The following SEC24D variants were observed in gnomAD, a reference collection of about 807,000 sequenced individuals.
SEC24D encodes the protein protein transport protein Sec24D.
In SEC24D, 69 loss-of-function variants were observed where a neutral mutation model predicts 116.9. The observed-to-expected ratio is 0.59, with a 90% CI of 0.49 to 0.72. The LOEUF (loss-of-function observed/expected upper bound fraction) is 0.72, where lower values mean the gene tolerates loss of function less well. Among genes scored for constraint, SEC24D ranks in the 30% least tolerant of loss-of-function variants. The pLI is 0.00. For synonymous variants in SEC24D, 405 were observed against 442.8 expected (o/e 0.91, Z 1.07); for missense variants, 1,131 against 1,264.1 (o/e 0.89, Z 1.60).
In SEC24D at chr4:118,780,027, A is replaced by G. The variant is rs556749872; in HGVS notation, c.1042-11716T>C. On this transcript the variant is annotated intron_variant, in intron 8 of 22. Transcript: ENST00000280551. ...TATTAGTCTTGCTAGCGGTCTATCA[A>G]TTTTGTTGATCTTTTCAAAAAACCA... is the stretch of plus-strand genomic sequence containing the variant. Among the ~76,000 whole-genome samples, 4 of 152,002 alleles carry G rather than the reference A, an allele frequency of 2.6e-5. No individual in the cohort carries two copies. The South Asian group carries it at 8.3e-4, about 32-fold the overall frequency.
At chr4:118,768,539 T>G (rs565101185) in intron 8 of SEC24D, among the ~76,000 whole-genome samples, 167 of 152,116 alleles carry the variant, frequency 1.1e-3, no homozygotes, top group Admixed American at 2.8e-3. Flanking sequence ...TGATTATAGG[T>G]GCCTGCCACC....
chr4:118,792,172 G>A (rs1417082176), intron 8 of SEC24D, among the ~76,000 whole-genome samples: 25 of 149,866 alleles, frequency 1.7e-4, no homozygotes, highest in Admixed American at 1.5e-3. Context: ...TCTCTGCCCC[G>A]CCGCCACCCC....
intron 11 of SEC24D, 124 bp downstream of exon 11, chr4:118,757,597 T>C (rs1295488945): frequency 4.1e-6 from 3 of 738,402 alleles, no homozygotes; most frequent in African/African-American, 1.8e-5. Flanking sequence ...GTTTGATTTA[T>C]GACTAATTAC....
chr4:118,800,006 G>A (rs780282276), intron 7 of SEC24D, among the ~76,000 whole-genome samples: 13 of 152,096 alleles, frequency 8.5e-5, no homozygotes, highest in Non-Finnish European at 1.5e-4. Flanking sequence ...GAGGAAGAGG[G>A]GAAACTTACT....
intron 21 of SEC24D, 45 bp downstream of exon 21, chr4:118,731,271 T>C: frequency 6.7e-7 from 1 of 1,502,970 alleles, no homozygotes; most frequent in Non-Finnish European, 9.3e-7. Context: ...ATTTACGAAT[T>C]TATATTTTTC....
Position 118,768,233 on chromosome 4 carries a change from T to C in SEC24D, c.1120A>G (p.Met374Val), listed in dbSNP as rs1439784082. The C allele has an allele frequency of 1.2e-6, 2 of 1,613,960 alleles. No homozygotes were observed. The highest frequency in any genetic ancestry group is 4.5e-5 in the East Asian group (2 of 44,876). ...NRCKAYMCPFMQFIEGGRRYQ... is the reference protein window; with the variant it reads ...NRCKAYMCPFVQFIEGGRRYQ... Reference sequence around the variant, plus strand: ...CTCCTTCCTCCTTCGATGAACTGCATAAATGGGCACATGTAGGCCTTGCAC... The same window carrying C: ...CTCCTTCCTCCTTCGATGAACTGCACAAATGGGCACATGTAGGCCTTGCAC... The change falls in exon 9 of 23, where the codon ATG becomes GTG. Residue 374 changes from methionine to valine, a missense_variant. By Grantham distance (21) the Met-to-Val change is conservative (BLOSUM62 1). Transcript: ENST00000280551.
In SEC24D at chr4:118,731,275, A is replaced by AT. The variant is rs150837544; in HGVS notation, c.2868+40dup. The stretch of plus-strand genomic sequence containing the variant: ...TAAATAAAAACATTTACGAATTTAT[A>AT]TTTTTCATATTACCACAAAAGCAAT... On this transcript the variant is annotated intron_variant, in intron 21 of 22. Transcript: ENST00000280551. 395 of 1,515,572 alleles carry AT rather than the reference A, an allele frequency of 2.6e-4. 1 individual carries two copies. In the African/African-American group the frequency reaches 4.8e-3, roughly 18 times the overall value. The allele number at this position is 1,515,572 out of a possible 1,614,324, so 93.9% of individuals were successfully genotyped here. A position where few individuals can be genotyped will look rare whatever the true frequency, so the allele number is the denominator to read the frequency against.
intron 13 of SEC24D, among the ~76,000 whole-genome samples, chr4:118,747,749 G>A (rs62328110): frequency 1.2e-3 from 175 of 152,056 alleles, no homozygotes; most frequent in Non-Finnish European, 2.0e-3. Context: ...TAATATTGCC[G>A]TTTTATACTA....
rs1233900784 is a variant in SEC24D, at chr4:118,817,232, C to T, written c.397+32G>A. ...CATTAAAAATGACCAGGACACAAGG[C>T]AGTCAATAAACACTAATAATAAAAC... On this transcript the variant is annotated intron_variant, in intron 4 of 22. Transcript: ENST00000280551. 1.9e-6 allele frequency: 3 copies of T among 1,552,708 alleles called. No homozygotes were observed. The South Asian group carries it at 3.7e-5, about 19-fold the overall frequency.
intron 11 of SEC24D, among the ~76,000 whole-genome samples, chr4:118,753,855 G>C (rs1726955012): frequency 6.6e-6 from 1 of 152,134 alleles, no homozygotes; most frequent in South Asian, 2.1e-4. Flanking sequence ...TTGACCATTA[G>C]ATGTCAGCAT....
chr4:118,805,796 T>G, intron 7 of SEC24D, 47 bp downstream of exon 7: 7 of 1,181,668 alleles, frequency 5.9e-6, no homozygotes, highest in Non-Finnish European at 7.2e-6. Context: ...TTAAAAACGG[T>G]GAGAAATTTT....
chr4:118,830,503 G>A (rs1730799772), intron 2 of SEC24D, among the ~76,000 whole-genome samples: 1 of 152,112 alleles, frequency 6.6e-6, no homozygotes, highest in Non-Finnish European at 1.5e-5. Flanking sequence ...TTGCTAATGA[G>A]TGCTACAGTT....
intron 17 of SEC24D, 46 bp downstream of exon 17, chr4:118,740,617 G>C: frequency 6.3e-7 from 1 of 1,598,936 alleles, no homozygotes; most frequent in South Asian, 1.1e-5. Context: ...GATCATTGTC[G>C]GCAACAAACT....
In SEC24D at chr4:118,752,858, T is replaced by C. The variant is rs1346433515; in HGVS notation, c.1452A>G (p.Arg484=). 9 of 1,591,146 alleles carry C rather than the reference T, an allele frequency of 5.7e-6. No individual in the cohort carries two copies. Among genetic ancestry groups the C allele is most frequent in the Non-Finnish European group, 6.0e-6 (7 of 1,172,502 alleles). Residue 484 remains arginine (R), a synonymous_variant, in exon 12 of 23, where the codon CGA becomes CGG. Transcript: ENST00000280551. ...KEEQEETSAI[R]VGFITYNKVL... is the part of the protein sequence containing the mutation. ...CTTTGTTATATGTGATAAAACCCAC[T>C]CGAATTGCAGACGTCTCTTCTTGCT...
chr4:118,792,317 G>T (rs1185807627), intron 8 of SEC24D, among the ~76,000 whole-genome samples: 16 of 150,486 alleles, frequency 1.1e-4, no homozygotes, highest in Admixed American at 1.1e-3. Flanking sequence ...GGAGGTGGGG[G>T]GGCGCCTCTG....
intron 22 of SEC24D, among the ~76,000 whole-genome samples, chr4:118,724,626 T>C (rs1228112390): frequency 1.3e-5 from 2 of 152,176 alleles, no homozygotes; most frequent in Non-Finnish European, 2.9e-5. Context: ...TTCATTTGCA[T>C]TACTGGAGAG....
intron 4 of SEC24D, chr4:118,816,736 T>C (rs964220561): frequency 4.5e-6 from 2 of 443,950 alleles, no homozygotes; most frequent in South Asian, 1.6e-5. Context: ...GAGCTTTCCA[T>C]GACTCACAGG....
At position 118,723,647 on chromosome 4, in the gene SEC24D, A is replaced by G. The variant is rs2110420873; in HGVS notation, c.2967T>C (p.Ile989=). 1 of 1,603,494 alleles carries G rather than the reference A, an allele frequency of 6.2e-7. No homozygotes were observed. Among genetic ancestry groups the G allele is most frequent in the South Asian group, 1.1e-5 (1 of 87,790 alleles). ...TTTCTGGTTGTTCTCGCTGCTTTAC[A>G]ATTGTGAGCTAGGAAAAAAAAAACA... ...QKRPYSMKLT[I]VKQREQPEMV... Residue 989 remains isoleucine (I), a synonymous_variant, in exon 23 of 23, where the codon ATT becomes ATC. Coordinates refer to ENST00000280551, the MANE Select transcript of SEC24D (RefSeq NM_014822.4).
At position 118,745,012 on chromosome 4, in the gene SEC24D, T is replaced by C. The variant is rs1309899049; in HGVS notation, c.1756A>G (p.Thr586Ala). Residue 586 changes from threonine to alanine, a missense_variant, in exon 14 of 23, where the codon ACT (threonine) becomes GCT (alanine). Thr to Ala is a moderately conservative substitution (Grantham distance 58). Transcript: ENST00000280551. ...TTGAGCTTCCCTGGTGCTTCAGCAG[T>C]TGGCAAGGAAGAATGGAAGATGAAC... The part of the protein sequence containing the change: ...KLFIFHSSLP[T>A]AEAPGKLKNR... The C allele has an allele frequency of 1.5e-5, 24 of 1,612,546 alleles. No individual in the cohort carries two copies. Among genetic ancestry groups the C allele is most frequent in the Non-Finnish European group, 2.0e-5 (24 of 1,179,578 alleles).
Sources: allele counts gnomAD v4.1 joint callset (sites outside exome capture counted in the v4.1 genomes callset), GRCh38; gene constraint gnomAD v4.1.1; transcripts MANE v1.5; gene names NCBI Gene and HGNC (gene_info 2026-07-23, HGNC 2026-07-21).